The following HMGB1 variants were observed in gnomAD, a reference collection of about 807,000 sequenced individuals.
The protein encoded by HMGB1 is high mobility group protein B1.
For synonymous variants in HMGB1, 81 were observed against 84.0 expected (o/e 0.96, Z 0.19); for missense variants, 79 against 253.5 (o/e 0.31, Z 4.67).
intron 1 of HMGB1, among the ~76,000 whole-genome samples, chr13:30,500,363 T>C (rs1433859523): frequency 2.0e-5 from 3 of 152,048 alleles, no homozygotes; most frequent in Admixed American, 6.6e-5. Context: ...AAGTTGAGTA[T>C]GATATTCTTG....
intron 1 of HMGB1, among the ~76,000 whole-genome samples, chr13:30,505,442 T>C (rs1473828532): frequency 6.6e-6 from 1 of 152,062 alleles, no homozygotes; most frequent in Admixed American, 6.6e-5. Flanking sequence ...CCTCCCAAAG[T>C]GCTGGGATTA....
chr13:30,513,037 C>T (rs866047119), intron 1 of HMGB1, among the ~76,000 whole-genome samples: 8 of 152,128 alleles, frequency 5.3e-5, no homozygotes, highest in Non-Finnish European at 8.8e-5. Context: ...ATGGTGGACA[C>T]CTGTAGTCCC....
chr13:30,597,372 G>T (rs1871662151), intron 1 of HMGB1, among the ~76,000 whole-genome samples: 1 of 152,216 alleles, frequency 6.6e-6, no homozygotes, highest in African/African-American at 2.4e-5. Context: ...TCATGGGACA[G>T]GTTCTCACAG....
At chr13:30,571,457 G>A (rs978524326) in intron 1 of HMGB1, among the ~76,000 whole-genome samples, 18 of 152,078 alleles carry the variant, frequency 1.2e-4, no homozygotes, top group African/African-American at 4.1e-4. Flanking sequence ...ACCATGCCCG[G>A]CTAATTTTTT....
chr13:30,607,759 A>G (rs1950474592), intron 1 of HMGB1, among the ~76,000 whole-genome samples: 1 of 152,230 alleles, frequency 6.6e-6, no homozygotes. Context: ...GGTAGTAGAG[A>G]ATCATCCTCT....
intron 1 of HMGB1, among the ~76,000 whole-genome samples, chr13:30,600,410 C>CA (rs1950387451): frequency 6.6e-6 from 1 of 150,796 alleles, no homozygotes; most frequent in South Asian, 2.1e-4. Context: ...GATAATAAGA[C>CA]AAATAGCAGG....
chr13:30,461,288 G>T lies in HMGB1; in HGVS notation c.*69C>A. ...TACATTTCAATTTTTTTCTTTAAAA[G>T]GAGTGAGTTGTGTACAGGGGGGTTA... On this transcript the variant is annotated 3_prime_UTR_variant, in exon 5 of 5. Coordinates refer to ENST00000341423, the MANE Select transcript of HMGB1 (RefSeq NM_002128.7). 17 of 1,503,564 alleles carry T rather than the reference G, an allele frequency of 1.1e-5. No individual in the cohort carries two copies. Among genetic ancestry groups the T allele is most frequent in the Non-Finnish European group, 1.5e-5 (17 of 1,130,122 alleles). 93.1% of individuals were successfully genotyped at this position (1,503,564 alleles called of 1,614,324 possible).
At chr13:30,469,371 T>A (rs1328770371), upstream of HMGB1, among the ~76,000 whole-genome samples, 1 of 152,212 alleles carries the variant, frequency 6.6e-6, no homozygotes, top group Non-Finnish European at 1.5e-5. Flanking sequence ...TAATATTGTG[T>A]ATATTAATTA....
intron 1 of HMGB1, among the ~76,000 whole-genome samples, chr13:30,520,577 G>A (rs1888215768): frequency 6.6e-6 from 1 of 152,074 alleles, no homozygotes; most frequent in East Asian, 1.9e-4. Context: ...CTGTGATCAG[G>A]CCACTGCACT....
chr13:30,541,283 C>T (rs988528417), intron 1 of HMGB1, among the ~76,000 whole-genome samples: 3 of 147,434 alleles, frequency 2.0e-5, no homozygotes, highest in African/African-American at 2.7e-5. Flanking sequence ...CACTTGAGCC[C>T]AGGAGTTCAA....
At chr13:30,576,020 C>A (rs989375192) in intron 1 of HMGB1, among the ~76,000 whole-genome samples, 6 of 152,180 alleles carry the variant, frequency 3.9e-5, no homozygotes, top group African/African-American at 1.4e-4. Context: ...TTCCACTAGT[C>A]AATCTCATCA....
chr13:30,501,998 C>T (rs1308978874), intron 1 of HMGB1, among the ~76,000 whole-genome samples: 1 of 152,112 alleles, frequency 6.6e-6, no homozygotes, highest in African/African-American at 2.4e-5. Flanking sequence ...CCTTTCATAG[C>T]CAAATTTTAC....
intron 1 of HMGB1, among the ~76,000 whole-genome samples, chr13:30,546,179 G>C (rs1040688828): frequency 1.3e-5 from 2 of 152,114 alleles, no homozygotes; most frequent in African/African-American, 4.8e-5. Context: ...TCAGTAGCGT[G>C]ATCTCAGCCC....
At chr13:30,586,985 CTT>C (rs1566033118) in intron 1 of HMGB1, among the ~76,000 whole-genome samples, 6 of 151,956 alleles carry the variant, frequency 3.9e-5, no homozygotes, top group Non-Finnish European at 1.5e-5. Context: ...ATGAAGAATT[CTT>C]TTCTCACTAG....
At chr13:30,516,202 G>A (rs907645008) in intron 1 of HMGB1, among the ~76,000 whole-genome samples, 1 of 152,142 alleles carries the variant, frequency 6.6e-6, no homozygotes, top group Non-Finnish European at 1.5e-5. Flanking sequence ...GGGAAATGCT[G>A]GCCTGAACAA....
chr13:30,529,789 C>CAA (rs139388955), intron 1 of HMGB1, among the ~76,000 whole-genome samples: 5 of 152,080 alleles, frequency 3.3e-5, no homozygotes, highest in Non-Finnish European at 5.9e-5. Context: ...GATTTCTATG[C>CAA]AAAAAAATAT....
chr13:30,478,347 A>G lies in HMGB1; in HGVS notation c.-14-14653T>C, dbSNP rs898406331. On this transcript the variant is annotated intron_variant, in intron 1 of 4. Transcript: ENST00000405805. ...GGACAGAGTGAGACCCTGTCTCTAAAAAGAATTATTTTTAATTAAAAAAAT... is the reference window on the plus strand; with the variant it reads ...GGACAGAGTGAGACCCTGTCTCTAAGAAGAATTATTTTTAATTAAAAAAAT... Among the ~76,000 whole-genome samples, 3 of 152,294 alleles carry G rather than the reference A, an allele frequency of 2.0e-5. No homozygotes were observed. In the South Asian group the frequency reaches 6.2e-4, roughly 32 times the overall value.
At chr13:30,475,136 C>T (rs76720938) in intron 1 of HMGB1, among the ~76,000 whole-genome samples, 3,504 of 25,654 alleles carry the variant, frequency 0.14, 676 homozygotes, top group Middle Eastern at 0.38. Flanking sequence ...CTCTCTCTCT[C>T]TCTTTTTTTT....
chr13:30,476,116 T>C (rs7332875), intron 1 of HMGB1, among the ~76,000 whole-genome samples: 18,836 of 134,126 alleles, frequency 0.14, 1,501 homozygotes, highest in Admixed American at 0.29. Flanking sequence ...AGGTGGCATG[T>C]ACTTTTTTTT....
Sources: gnomAD v4.1 joint callset for allele counts (sites outside exome capture counted in the v4.1 genomes callset) on GRCh38, gnomAD v4.1.1 for gene constraint, MANE v1.5 for transcripts, NCBI Gene and HGNC (gene_info 2026-07-23, HGNC 2026-07-21) for gene names.